The following ZNF385B variants were observed in gnomAD, a reference collection of about 807,000 sequenced individuals.
The protein encoded by ZNF385B is zinc finger protein 533.
A neutral mutation model predicts 39.2 loss-of-function variants in ZNF385B; 23 were observed. The ratio of observed to expected loss-of-function variants is 0.59; its 90% CI spans 0.42 to 0.83. ZNF385B has a LOEUF of 0.83. Ranked by LOEUF, ZNF385B falls within the 40% of genes least tolerant of loss-of-function variation. The probability of loss-of-function intolerance (pLI) is 0.00; values close to 1 mark genes in which losing one functional copy is unlikely to be tolerated. For synonymous variants in ZNF385B, 205 were observed against 222.6 expected (o/e 0.92, Z 0.70); for missense variants, 552 against 598.9 (o/e 0.92, Z 0.82).
intron 5 of ZNF385B, among the ~76,000 whole-genome samples, chr2:179,499,962 A>G (rs1466649714): frequency 3.3e-5 from 5 of 152,124 alleles, no homozygotes; most frequent in Admixed American, 2.6e-4. Flanking sequence ...CAAAATTAAC[A>G]TACAAAAATC....
intron 4 of ZNF385B, among the ~76,000 whole-genome samples, chr2:179,538,641 T>C (rs1420777580): frequency 3.3e-5 from 5 of 152,208 alleles, no homozygotes; most frequent in Non-Finnish European, 1.5e-5. Flanking sequence ...ATTCACAGAA[T>C]CATACAGTGG....
chr2:179,652,419 C>G (rs1468832896), intron 3 of ZNF385B, among the ~76,000 whole-genome samples: 5 of 152,046 alleles, frequency 3.3e-5, no homozygotes, highest in African/African-American at 1.2e-4. Context: ...ACAGTTTGTG[C>G]CAATGGATTC....
intron 1 of ZNF385B, among the ~76,000 whole-genome samples, chr2:179,832,024 A>C (rs930491571): frequency 7.9e-5 from 12 of 152,248 alleles, no homozygotes; most frequent in Admixed American, 2.0e-4. Context: ...GACTGCCCGC[A>C]TATAACATCC....
At chr2:179,747,609 C>G (rs924603434) in intron 3 of ZNF385B, among the ~76,000 whole-genome samples, 1 of 152,076 alleles carries the variant, frequency 6.6e-6, no homozygotes, top group African/African-American at 2.4e-5. Context: ...GCCTAAAAAT[C>G]TTTTTATTAT....
chr2:179,459,605 G>GTGTA, intron 6 of ZNF385B, among the ~76,000 whole-genome samples: 1 of 150,622 alleles, frequency 6.6e-6, no homozygotes, highest in South Asian at 2.1e-4. Flanking sequence ...GTGTGTGTGT[G>GTGTA]TGTGTGTGTG....
intron 1 of ZNF385B, among the ~76,000 whole-genome samples, chr2:179,835,202 T>A (rs1708181912): frequency 6.6e-6 from 1 of 152,192 alleles, no homozygotes; most frequent in Admixed American, 6.5e-5. Context: ...TACAACTAGC[T>A]TTGAAACGCT....
chr2:179,806,106 C>T lies in ZNF385B; in HGVS notation c.-154-35434G>A, dbSNP rs1290545748. Reference sequence around the variant, plus strand: ...AAATTTTAAATTTTGTACCAACAAACAGACAAAAAAATGCCATAAACAATG... The same window carrying T: ...AAATTTTAAATTTTGTACCAACAAATAGACAAAAAAATGCCATAAACAATG... On this transcript the variant is annotated intron_variant, in intron 1 of 9. Coordinates refer to ENST00000410066, the MANE Select transcript of ZNF385B (RefSeq NM_152520.6). Among the ~76,000 whole-genome samples the T allele has an allele frequency of 3.3e-5, 5 of 151,906 alleles. No individual in the cohort carries two copies. In the East Asian group the frequency reaches 9.7e-4, roughly 29 times the overall value.
At chr2:179,607,305 T>C (rs992573812) in intron 3 of ZNF385B, among the ~76,000 whole-genome samples, 1 of 152,168 alleles carries the variant, frequency 6.6e-6, no homozygotes, top group African/African-American at 2.4e-5. Flanking sequence ...TGGTGGGAAG[T>C]GATTGGATCA....
chr2:179,490,031 AT>A (rs1355754742), intron 5 of ZNF385B, among the ~76,000 whole-genome samples: 1 of 152,210 alleles, frequency 6.6e-6, no homozygotes, highest in Non-Finnish European at 1.5e-5. Context: ...ATATTTCAAC[AT>A]TCGTAGTATC....
In ZNF385B at chr2:179,637,812, G is replaced by A. The variant is rs188365270; in HGVS notation, c.299-92843C>T. ...CGCTCCATATTGCCCTGCAGTATTA[G>A]TATGCTTGAAAAAACTCTTGATTTT... On this transcript the variant is annotated intron_variant, in intron 3 of 9. Coordinates refer to ENST00000410066, the MANE Select transcript of ZNF385B (RefSeq NM_152520.6). Among the ~76,000 whole-genome samples, 245 of 152,268 alleles carry A rather than the reference G, an allele frequency of 1.6e-3. 1 individual carries two copies. Among genetic ancestry groups the A allele is most frequent in the African/African-American group, 5.5e-3 (230 of 41,546 alleles).
chr2:179,850,686 T>C (rs901072481), intron 1 of ZNF385B, among the ~76,000 whole-genome samples: 1 of 152,178 alleles, frequency 6.6e-6, no homozygotes, highest in Non-Finnish European at 1.5e-5. Context: ...AAGATTCTGC[T>C]GTATGTCTTT....
chr2:179,713,855 C>A (rs193249938), intron 3 of ZNF385B, among the ~76,000 whole-genome samples: 1 of 152,302 alleles, frequency 6.6e-6, no homozygotes. Flanking sequence ...TTGGTCCACT[C>A]ACAGTGTAAG....
At chr2:179,452,523 TTAA>T (rs2050258160) in intron 6 of ZNF385B, among the ~76,000 whole-genome samples, 2 of 152,096 alleles carry the variant, frequency 1.3e-5, no homozygotes, top group South Asian at 4.1e-4. Context: ...CAATAAAAAA[TTAA>T]TATTCTACCT....
intron 3 of ZNF385B, among the ~76,000 whole-genome samples, chr2:179,654,950 A>G (rs1559037210): frequency 6.6e-6 from 1 of 152,170 alleles, no homozygotes; most frequent in South Asian, 2.1e-4. Context: ...TTTGAGGCAT[A>G]TGGAGACAGA....
intron 3 of ZNF385B, among the ~76,000 whole-genome samples, chr2:179,651,223 T>C (rs1032273549): frequency 2.0e-5 from 3 of 152,080 alleles, no homozygotes; most frequent in African/African-American, 4.8e-5. Context: ...TGACACAGGA[T>C]ACACTTATTT....
chr2:179,762,200 G>T (rs927119490), intron 3 of ZNF385B, among the ~76,000 whole-genome samples: 2 of 151,436 alleles, frequency 1.3e-5, no homozygotes, highest in Non-Finnish European at 2.9e-5. Flanking sequence ...TTTTTGTTTT[G>T]GTTTTTAGAG....
At chr2:179,752,135 C>G (rs551428806) in intron 3 of ZNF385B, among the ~76,000 whole-genome samples, 7 of 152,152 alleles carry the variant, frequency 4.6e-5, no homozygotes, top group African/African-American at 1.7e-4. Flanking sequence ...CTTCCTGTGT[C>G]CAAGTGTTCT....
intron 3 of ZNF385B, among the ~76,000 whole-genome samples, chr2:179,693,188 C>G (rs1387406607): frequency 6.6e-6 from 1 of 152,192 alleles, no homozygotes; most frequent in African/African-American, 2.4e-5. Context: ...GCAATGGCTC[C>G]TAACCTTGTT....
intron 3 of ZNF385B, among the ~76,000 whole-genome samples, chr2:179,684,900 A>T (rs1457018091): frequency 6.6e-6 from 1 of 152,248 alleles, no homozygotes; most frequent in Non-Finnish European, 1.5e-5. Context: ...AAATAGCAAT[A>T]CTGAAAATAA....
Sources: gnomAD v4.1 joint callset for allele counts (sites outside exome capture counted in the v4.1 genomes callset) on GRCh38, gnomAD v4.1.1 for gene constraint, MANE v1.5 for transcripts, NCBI Gene and HGNC (gene_info 2026-07-23, HGNC 2026-07-21) for gene names.